Variants in KLF8 observed in about 807,000 individuals in gnomAD.
KLF8 encodes KLF transcription factor 8, also known as Krueppel-like factor 8.
In KLF8, 10 loss-of-function variants were observed where a neutral mutation model predicts 18.2. The observed-to-expected ratio is 0.55, with a 90% CI of 0.34 to 0.93. KLF8 has a LOEUF of 0.93. Ranked by LOEUF, KLF8 falls within the 40% of genes least tolerant of loss-of-function variation. The pLI, the probability that KLF8 is intolerant of heterozygous loss-of-function variation, is 0.02. For synonymous variants in KLF8, 109 were observed against 97.3 expected (o/e 1.12, Z -0.71); for missense variants, 264 against 277.9 (o/e 0.95, Z 0.36).
chrX:56,056,948 AC>A, the KLF8 span, among the ~76,000 whole-genome samples: 4 of 110,934 alleles, frequency 3.6e-5, no homozygotes, highest in Non-Finnish European at 7.5e-5. Context: ...TAATGCGGTT[AC>A]TGAAGAATCT....
chrX:56,275,731 T>C (rs192109834), intron 5 of KLF8, among the ~76,000 whole-genome samples: 1 of 112,870 alleles, frequency 8.9e-6, no homozygotes, highest in African/African-American at 3.2e-5. Flanking sequence ...CAAATACTTT[T>C]TCAGCATCAA....
chrX:56,113,743 T>C, the KLF8 span, among the ~76,000 whole-genome samples: 1 of 110,587 alleles, frequency 9.0e-6, no homozygotes, highest in Non-Finnish European at 1.9e-5. Context: ...TGTTTTTGGG[T>C]AGAGTGTGTG....
chrX:55,966,270 G>A, the KLF8 span, among the ~76,000 whole-genome samples: 1 of 112,290 alleles, frequency 8.9e-6, no homozygotes, highest in Non-Finnish European at 1.9e-5. Context: ...GAAAACATAA[G>A]CATTAGCTAG....
At chrX:56,094,871 A>T in the KLF8 span, among the ~76,000 whole-genome samples, 1 of 111,597 alleles carries the variant, frequency 9.0e-6, no homozygotes, top group Non-Finnish European at 1.9e-5. Context: ...AATTGGTATG[A>T]AAGAACATAC....
At chrX:56,133,891 AT>A in the KLF8 span, among the ~76,000 whole-genome samples, 2 of 102,707 alleles carry the variant, frequency 1.9e-5, no homozygotes, top group African/African-American at 7.1e-5. Flanking sequence ...TGAGAATTAA[AT>A]CAAGAACTGA....
At chrX:56,066,789 C>T in the KLF8 span, among the ~76,000 whole-genome samples, 1 of 110,807 alleles carries the variant, frequency 9.0e-6, no homozygotes, top group Non-Finnish European at 1.9e-5. Context: ...CAAATGGTGC[C>T]TTGTAACTGC....
chrX:56,204,704 T>C, the KLF8 span, among the ~76,000 whole-genome samples: 2 of 111,452 alleles, frequency 1.8e-5, no homozygotes, highest in Non-Finnish European at 3.8e-5. Flanking sequence ...TCTCCTTCAT[T>C]TTTTTAAGTT....
the KLF8 span, among the ~76,000 whole-genome samples, chrX:55,934,206 G>C: frequency 9.0e-6 from 1 of 111,661 alleles, no homozygotes; most frequent in Admixed American, 9.6e-5. Context: ...TCTAACCACT[G>C]TATTTCTGTT....
rs1413431456 is a variant in KLF8 at position 56,232,419 on chromosome X, T to C, written c.-916T>C. The C allele has an allele frequency of 9.2e-6, 1 of 109,188 alleles. No homozygotes were observed. The highest frequency in any genetic ancestry group is 1.9e-5 in the Non-Finnish European group (1 of 52,476). 9.0% of individuals were successfully genotyped at this position (109,188 alleles called of 1,213,427 possible). A position where few individuals can be genotyped will look rare whatever the true frequency, so the allele number is the denominator to read the frequency against. On this transcript the variant is annotated 5_prime_UTR_variant, in exon 1 of 6. Coordinates refer to ENST00000468660, the MANE Select transcript of KLF8 (RefSeq NM_007250.5). ...AGGAACTCCACCCTAGGTGGAGTCC[T>C]CACGATAGTCACACCTCTCCTTTGG...
the KLF8 span, among the ~76,000 whole-genome samples, chrX:56,222,622 C>T: frequency 1.8e-5 from 2 of 112,976 alleles, no homozygotes; most frequent in African/African-American, 6.4e-5. Flanking sequence ...AGCCCTTGGG[C>T]GGTCGATGGG....
the KLF8 span, among the ~76,000 whole-genome samples, chrX:55,971,985 G>A: frequency 3.6e-5 from 4 of 110,544 alleles, no homozygotes; most frequent in Non-Finnish European, 3.8e-5. Context: ...AACCATTATG[G>A]AGAACCATTT....
chrX:56,210,839 T>G, the KLF8 span, among the ~76,000 whole-genome samples: 1 of 109,341 alleles, frequency 9.1e-6, no homozygotes, highest in Non-Finnish European at 1.9e-5. Context: ...GATGCATTCT[T>G]CAGCATGCCA....
At chrX:55,993,153 G>C in the KLF8 span, among the ~76,000 whole-genome samples, 1 of 111,294 alleles carries the variant, frequency 9.0e-6, no homozygotes, top group Non-Finnish European at 1.9e-5. Flanking sequence ...GGAGTTATGA[G>C]AGTTGGCATC....
the KLF8 span, among the ~76,000 whole-genome samples, chrX:56,054,105 A>G: frequency 1.9e-5 from 2 of 106,419 alleles, no homozygotes; most frequent in Non-Finnish European, 3.8e-5. Flanking sequence ...TTAAATTGAG[A>G]TCTTTCTTTT....
the KLF8 span, among the ~76,000 whole-genome samples, chrX:56,209,319 A>AT: frequency 9.2e-6 from 1 of 108,752 alleles, no homozygotes; most frequent in Non-Finnish European, 1.9e-5. Flanking sequence ...ATCTTTTGGT[A>AT]TTTTTTCATT....
the KLF8 span, among the ~76,000 whole-genome samples, chrX:56,218,559 A>G: frequency 8.9e-6 from 1 of 112,152 alleles, no homozygotes; most frequent in African/African-American, 3.2e-5. Context: ...CAGTCAAAGG[A>G]ACCCATCATG....
At chrX:56,176,903 G>C in the KLF8 span, among the ~76,000 whole-genome samples, 2 of 111,702 alleles carry the variant, frequency 1.8e-5, no homozygotes, top group South Asian at 7.5e-4. Context: ...ATCAGCTACC[G>C]AGGCTTGTGC....
At chrX:56,282,682 C>T (rs910148743) in intron 5 of KLF8, among the ~76,000 whole-genome samples, 5 of 111,282 alleles carry the variant, frequency 4.5e-5, no homozygotes, top group East Asian at 5.7e-4. Context: ...GGGAAAAGAC[C>T]GAGAGAAAGA....
At chrX:56,221,888 C>T in the KLF8 span, among the ~76,000 whole-genome samples, 8 of 111,752 alleles carry the variant, frequency 7.2e-5, no homozygotes, top group Non-Finnish European at 1.1e-4. Flanking sequence ...ATTCTCTTAT[C>T]TGGCCCCACC....
Sources: allele counts gnomAD v4.1 joint callset (sites outside exome capture counted in the v4.1 genomes callset), GRCh38; gene constraint gnomAD v4.1.1; transcripts MANE v1.5; gene names NCBI Gene and HGNC (gene_info 2026-07-23, HGNC 2026-07-21).